FAM227B: variants seen among roughly 807,000 people sequenced by gnomAD.
The protein encoded by FAM227B is protein FAM227B.
A neutral mutation model predicts 73.8 loss-of-function variants in FAM227B; 88 were observed. That is an observed-to-expected ratio of 1.19 (90% CI 1.00 to 1.42). FAM227B has a LOEUF of 1.42. Among genes scored for constraint, FAM227B ranks in the 40% most tolerant of loss-of-function variants. FAM227B has a pLI of 0.00. For synonymous variants in FAM227B, 210 were observed against 190.5 expected, an observed-to-expected ratio of 1.10 and a Z score of -0.84; for missense variants, 632 against 590.9, an observed-to-expected ratio of 1.07 and a Z score of -0.72.
intron 10 of FAM227B, among the ~76,000 whole-genome samples, chr15:49,527,399 C>A (rs1476091373): frequency 1.3e-5 from 2 of 151,900 alleles, no homozygotes; most frequent in African/African-American, 4.8e-5. Flanking sequence ...ACACAGCCAA[C>A]ATCATACTAA....
rs551670964 is a variant in FAM227B, at chr15:49,603,387, A to C, written c.105+7828T>G. ...ACTTGATTCCTTAGGTATTTCATTT[A>C]TTTTTGGCTACTATACATGGGATTA... On this transcript the variant is annotated intron_variant, in intron 3 of 15. Transcript: ENST00000299338. Among the ~76,000 whole-genome samples, 742 of 152,016 alleles carry C rather than the reference A, an allele frequency of 4.9e-3. 2 individuals carry two copies. Among genetic ancestry groups the C allele is most frequent in the Non-Finnish European group, 8.2e-3 (558 of 67,932 alleles).
Position 49,588,547 on chromosome 15 carries a change from C to CTATA in FAM227B, c.338-468_338-465dup, listed in dbSNP as rs71120695. The stretch of plus-strand genomic sequence containing the variant: ...AGTTCTGATATCTACATATTGAGGA[C>CTATA]TATATATATATATATATATATATAT... On this transcript the variant is annotated intron_variant, in intron 4 of 15. Coordinates refer to ENST00000299338, the MANE Select transcript of FAM227B (RefSeq NM_152647.3). 8.2e-3 allele frequency among the ~76,000 whole-genome samples: 312 copies of CTATA among 37,966 alleles called. 5 individuals carry two copies. The highest frequency in any genetic ancestry group is 0.01 in the Non-Finnish European group (197 of 19,342). The allele number at this position is 37,966 out of a possible 152,430, so 24.9% of individuals were successfully genotyped here.
chr15:49,559,271 C>T (rs924173577), intron 9 of FAM227B, among the ~76,000 whole-genome samples: 2 of 152,278 alleles, frequency 1.3e-5, no homozygotes, highest in African/African-American at 4.8e-5. Context: ...TAACCCTCAT[C>T]AGGGCAGGTG....
chr15:49,527,524 G>A (rs1452216355), intron 10 of FAM227B, among the ~76,000 whole-genome samples: 2 of 151,882 alleles, frequency 1.3e-5, no homozygotes, highest in Admixed American at 6.6e-5. Context: ...TCAGGCAAGC[G>A]AGAAATAATA....
chr15:49,400,765 T>C (rs868382129), intron 11 of FAM227B, among the ~76,000 whole-genome samples: 56 of 151,210 alleles, frequency 3.7e-4, no homozygotes, highest in Middle Eastern at 3.4e-3. Flanking sequence ...ATTCCCTATT[T>C]AATAAATGGT....
At chr15:49,619,864 T>G (rs2153347633) in intron 1 of FAM227B, among the ~76,000 whole-genome samples, 1 of 152,286 alleles carries the variant, frequency 6.6e-6, no homozygotes, top group South Asian at 2.1e-4. Flanking sequence ...AGGTTTGAAA[T>G]ACAGTAAGAA....
intron 11 of FAM227B, among the ~76,000 whole-genome samples, chr15:49,489,803 TTATATATATATATATATTTTATATA>T (rs1224751738): frequency 1.7e-5 from 1 of 57,276 alleles, no homozygotes; most frequent in African/African-American, 5.5e-5. Context: ...TATATATATT[TTATATATATATATATATTTTATATA>T]TATATATATA....
chr15:49,589,506 A>C (rs2076392871), intron 4 of FAM227B, among the ~76,000 whole-genome samples: 1 of 149,502 alleles, frequency 6.7e-6, no homozygotes, highest in Non-Finnish European at 1.5e-5. Context: ...AAATATTTTT[A>C]ATATTTGTAC....
At chr15:49,390,859 T>C (rs2047169486) in intron 11 of FAM227B, among the ~76,000 whole-genome samples, 1 of 152,066 alleles carries the variant, frequency 6.6e-6, no homozygotes, top group African/African-American at 2.4e-5. Context: ...CCTATGTGCT[T>C]TGCCATACCT....
intron 11 of FAM227B, among the ~76,000 whole-genome samples, chr15:49,446,548 T>G (rs1025693705): frequency 6.6e-6 from 1 of 151,230 alleles, no homozygotes; most frequent in Admixed American, 6.6e-5. Flanking sequence ...TAAAGGTGCA[T>G]TTGCTTGAAG....
At chr15:49,488,908 C>G (rs2056636237) in intron 11 of FAM227B, 1 of 151,892 alleles carries the variant, frequency 6.6e-6, no homozygotes, top group Non-Finnish European at 1.5e-5. Flanking sequence ...CAATATTCAA[C>G]TCAGAAAGGG....
intron 11 of FAM227B, among the ~76,000 whole-genome samples, chr15:49,426,952 T>A (rs1597115688): frequency 6.6e-6 from 1 of 152,120 alleles, no homozygotes; most frequent in East Asian, 1.9e-4. Flanking sequence ...GTGGCTATCT[T>A]ATTGGAGAAG....
chr15:49,358,301 C>T (rs975646835), intron 13 of FAM227B, among the ~76,000 whole-genome samples: 5 of 124,128 alleles, frequency 4.0e-5, no homozygotes, highest in Non-Finnish European at 8.9e-5. Flanking sequence ...CAAATTGTCC[C>T]TGTTTGCAGA....
At chr15:49,527,120 G>C (rs1187137717) in intron 10 of FAM227B, among the ~76,000 whole-genome samples, 2 of 151,748 alleles carry the variant, frequency 1.3e-5, no homozygotes, top group African/African-American at 4.8e-5. Context: ...TGATGAACAC[G>C]GATGTAAAAA....
chr15:49,459,698 T>C (rs1395230661), intron 11 of FAM227B, among the ~76,000 whole-genome samples: 1 of 152,180 alleles, frequency 6.6e-6, no homozygotes, highest in Non-Finnish European at 1.5e-5. Flanking sequence ...AAAATGACTG[T>C]ACACATTTTC....
chr15:49,552,655 T>C (rs1194151903), intron 9 of FAM227B, among the ~76,000 whole-genome samples: 2 of 152,124 alleles, frequency 1.3e-5, no homozygotes, highest in African/African-American at 4.8e-5. Context: ...TGTAGGCATG[T>C]TTCATTGTTT....
chr15:49,424,279 C>T (rs2049935669), intron 11 of FAM227B: 1 of 1,600,146 alleles, frequency 6.2e-7, no homozygotes, highest in South Asian at 1.1e-5. Flanking sequence ...TTCATGAACA[C>T]CCGGAGCACT....
At chr15:49,567,197 T>G (rs1044741837) in intron 9 of FAM227B, among the ~76,000 whole-genome samples, 2 of 152,180 alleles carry the variant, frequency 1.3e-5, no homozygotes, top group African/African-American at 4.8e-5. Flanking sequence ...GACAATTTAA[T>G]TGCAACATGC....
intron 11 of FAM227B, among the ~76,000 whole-genome samples, chr15:49,417,002 C>T (rs1179108730): frequency 3.9e-5 from 6 of 152,302 alleles, no homozygotes; most frequent in African/African-American, 1.4e-4. Context: ...TCCTATCAAA[C>T]TACCAATGAC....
Sources: gnomAD v4.1 joint callset for allele counts (sites outside exome capture counted in the v4.1 genomes callset) on GRCh38, gnomAD v4.1.1 for gene constraint, MANE v1.5 for transcripts, NCBI Gene and HGNC (gene_info 2026-07-23, HGNC 2026-07-21) for gene names.